ROBO2: variants seen among roughly 807,000 people sequenced by gnomAD.
The protein encoded by ROBO2 is roundabout guidance receptor 2.
Under a neutral mutation model 160.8 loss-of-function variants are expected in ROBO2, and 53 were observed. The observed-to-expected ratio is 0.33, with a 90% CI of 0.26 to 0.41. ROBO2 has a LOEUF of 0.41. Among genes scored for constraint, ROBO2 ranks in the 10% least tolerant of loss-of-function variants. The probability of loss-of-function intolerance (pLI) is 1.00; values close to 1 mark genes in which losing one functional copy is unlikely to be tolerated. For synonymous variants in ROBO2, 664 were observed against 611.7 expected (o/e 1.09, Z -1.26); for missense variants, 1,577 against 1,722.4 (o/e 0.92, Z 1.49).
intron 2 of ROBO2, among the ~76,000 whole-genome samples, chr3:76,594,998 A>T (rs984258732): frequency 2.0e-5 from 3 of 152,034 alleles, no homozygotes; most frequent in Non-Finnish European, 4.4e-5. Context: ...TAATTAAGTC[A>T]TGGGGGTGGA....
chr3:76,436,118 C>T (rs1298905350), intron 2 of ROBO2, among the ~76,000 whole-genome samples: 3 of 134,830 alleles, frequency 2.2e-5, no homozygotes, highest in Non-Finnish European at 4.8e-5. Flanking sequence ...TCTCTGGGAT[C>T]CCTGCCCAGC....
chr3:76,493,655 A>T (rs1188265859), intron 2 of ROBO2, among the ~76,000 whole-genome samples: 3 of 152,006 alleles, frequency 2.0e-5, no homozygotes, highest in African/African-American at 7.2e-5. Flanking sequence ...ACATTCACTG[A>T]TGCCATCTCT....
rs557310191 is a variant in ROBO2 at position 76,271,659 on chromosome 3, T to C, written c.109+334057T>C. ...CAGTAAGAATATGTATTCATGAATATATGCATCTGTTAGAATTATCAACTG... is the reference window on the plus strand; with the variant it reads ...CAGTAAGAATATGTATTCATGAATACATGCATCTGTTAGAATTATCAACTG... On this transcript the variant is annotated intron_variant, in intron 2 of 26. Transcript: ENST00000487694. 6.6e-5 allele frequency among the ~76,000 whole-genome samples: 10 copies of C among 151,982 alleles called. No homozygotes were observed. The East Asian group carries it at 1.5e-3, about 23-fold the overall frequency.
intron 8 of ROBO2, among the ~76,000 whole-genome samples, chr3:77,551,583 G>A (rs6783764): frequency 0.56 from 84,987 of 151,768 alleles, 23,867 homozygotes; most frequent in Middle Eastern, 0.68. Context: ...GCGTAATCTG[G>A]TTTTTTCCCA....
chr3:77,475,746 G>T (rs1312574140), intron 2 of ROBO2, among the ~76,000 whole-genome samples: 1 of 152,184 alleles, frequency 6.6e-6, no homozygotes, highest in Non-Finnish European at 1.5e-5. Context: ...CTCCCTGGAG[G>T]ATTTACCTGC....
intron 1 of ROBO2, among the ~76,000 whole-genome samples, chr3:77,090,004 A>G (rs1212531002): frequency 6.6e-6 from 1 of 152,188 alleles, no homozygotes; most frequent in Non-Finnish European, 1.5e-5. Context: ...AGTGAAGGAA[A>G]TTTTGAATTG....
intron 2 of ROBO2, among the ~76,000 whole-genome samples, chr3:76,632,941 A>AT (rs1007920743): frequency 1.3e-5 from 2 of 152,158 alleles, no homozygotes; most frequent in Non-Finnish European, 2.9e-5. Flanking sequence ...TGGAAAATAC[A>AT]TTTTTTATTC....
At chr3:77,486,800 T>C (rs2085416123) in intron 4 of ROBO2, among the ~76,000 whole-genome samples, 1 of 152,160 alleles carries the variant, frequency 6.6e-6, no homozygotes, top group African/African-American at 2.4e-5. Flanking sequence ...GTGATGCTTC[T>C]CTGCCTTTAT....
chr3:76,983,909 T>C (rs2060231325), intron 2 of ROBO2, among the ~76,000 whole-genome samples: 2 of 152,174 alleles, frequency 1.3e-5, no homozygotes, highest in Admixed American at 1.3e-4. Context: ...AGGAAGAAGT[T>C]TAATTGACTC....
At chr3:76,987,278 C>G (rs1262248781) in intron 2 of ROBO2, among the ~76,000 whole-genome samples, 1 of 152,144 alleles carries the variant, frequency 6.6e-6, no homozygotes, top group African/African-American at 2.4e-5. Context: ...AGATCTCGGC[C>G]TTTTACAAAG....
At chr3:76,046,992 C>T (rs1317219587) in intron 2 of ROBO2, among the ~76,000 whole-genome samples, 1 of 152,088 alleles carries the variant, frequency 6.6e-6, no homozygotes, top group Non-Finnish European at 1.5e-5. Context: ...CCTAAAGGTT[C>T]TTTCTAAAGA....
At chr3:76,132,099 G>T (rs1156885569) in intron 2 of ROBO2, among the ~76,000 whole-genome samples, 7 of 152,186 alleles carry the variant, frequency 4.6e-5, no homozygotes, top group Admixed American at 2.0e-4. Flanking sequence ...TCAGTGTATG[G>T]TCATACTCGT....
intron 2 of ROBO2, among the ~76,000 whole-genome samples, chr3:77,443,407 A>G (rs56261746): frequency 0.08 from 12,136 of 152,068 alleles, 563 homozygotes; most frequent in African/African-American, 0.11. Context: ...ATTTACATAT[A>G]GTGCTCAATA....
intron 24 of ROBO2, among the ~76,000 whole-genome samples, chr3:77,642,322 T>C (rs941815961): frequency 6.6e-6 from 1 of 152,140 alleles, no homozygotes. Context: ...TCTTATTTTG[T>C]GTCATGGTAT....
At chr3:76,869,270 A>G (rs1476629926) in intron 2 of ROBO2, among the ~76,000 whole-genome samples, 2 of 152,008 alleles carry the variant, frequency 1.3e-5, no homozygotes, top group East Asian at 3.9e-4. Context: ...AATAACTTAA[A>G]TAACATATTT....
intron 2 of ROBO2, among the ~76,000 whole-genome samples, chr3:76,622,143 C>A (rs1030927325): frequency 1.3e-5 from 2 of 148,526 alleles, no homozygotes; most frequent in Non-Finnish European, 3.0e-5. Context: ...CTAGAGTTTG[C>A]GACTAGCCTG....
chr3:77,015,473 C>A (rs1261184802), intron 2 of ROBO2, among the ~76,000 whole-genome samples: 2 of 152,112 alleles, frequency 1.3e-5, no homozygotes, highest in African/African-American at 4.8e-5. Flanking sequence ...AGTGAAGGAT[C>A]AAGAAATATT....
chr3:76,763,331 A>G (rs1424107532), intron 2 of ROBO2, among the ~76,000 whole-genome samples: 1 of 151,780 alleles, frequency 6.6e-6, no homozygotes, highest in African/African-American at 2.4e-5. Context: ...AAATGATAAA[A>G]TGATATATGT....
At chr3:76,907,564 C>T (rs1417144789) in intron 2 of ROBO2, among the ~76,000 whole-genome samples, 1 of 152,164 alleles carries the variant, frequency 6.6e-6, no homozygotes, top group African/African-American at 2.4e-5. Context: ...CAGATACAGT[C>T]TGCCCCCATG....
Sources: allele counts gnomAD v4.1 joint callset (sites outside exome capture counted in the v4.1 genomes callset), GRCh38; gene constraint gnomAD v4.1.1; transcripts MANE v1.5; gene names NCBI Gene and HGNC (gene_info 2026-07-23, HGNC 2026-07-21).